Variants in CFDP1 observed in about 807,000 individuals in gnomAD.
The protein encoded by CFDP1 is chromatin remodeling protein CFDP1, also known as heterochromatin-stabilizing protein CFDP1.
Under a neutral mutation model 40.1 loss-of-function variants are expected in CFDP1, and 31 were observed. The observed-to-expected ratio is 0.77, with a 90% CI of 0.58 to 1.04. The LOEUF (loss-of-function observed/expected upper bound fraction) is 1.04, where lower values mean the gene tolerates loss of function less well. Ranked by LOEUF, CFDP1 falls within the 50% of genes least tolerant of loss-of-function variation. The probability of loss-of-function intolerance (pLI) is 0.00; values close to 1 mark genes in which losing one functional copy is unlikely to be tolerated. For synonymous variants in CFDP1, 167 were observed against 120.0 expected (o/e 1.39, Z -2.56); for missense variants, 423 against 343.4 (o/e 1.23, Z -1.83).
intron 4 of CFDP1, 74 bp from the exon 5 acceptor site, chr16:75,395,283 G>C: frequency 1.3e-6 from 2 of 1,495,430 alleles, no homozygotes; most frequent in Non-Finnish European, 9.1e-7. Context: ...AGGGAATAAA[G>C]ACAACTAGAA....
intron 5 of CFDP1, chr16:75,381,365 G>T (rs927282883): frequency 1.3e-5 from 2 of 152,114 alleles, no homozygotes; most frequent in Admixed American, 6.5e-5. Context: ...AAAAGGCAAT[G>T]AGAGTGGAGA....
At chr16:75,318,853 G>A (rs183943543) in intron 5 of CFDP1, among the ~76,000 whole-genome samples, 1 of 152,242 alleles carries the variant, frequency 6.6e-6, no homozygotes, top group East Asian at 1.9e-4. Context: ...TTGAGACTAG[G>A]CTAAAGTTTT....
intron 4 of CFDP1, among the ~76,000 whole-genome samples, chr16:75,403,038 T>C (rs1177546928): frequency 6.6e-6 from 1 of 152,202 alleles, no homozygotes; most frequent in Admixed American, 6.5e-5. Flanking sequence ...TTCTTTGTTT[T>C]GTTTTTTATA....
At position 75,405,450 on chromosome 16, in the gene CFDP1, T is replaced by C. The variant is rs575933205; in HGVS notation, c.530+6375A>G. ...ACACCAGGCTGGATAAACCCATCTA[T>C]ACAAAAAACACAAGAGGCCTGGTGT... On this transcript the variant is annotated intron_variant, in intron 4 of 6. Coordinates refer to ENST00000283882, the MANE Select transcript of CFDP1 (RefSeq NM_006324.3). Among the ~76,000 whole-genome samples, 39 of 151,602 alleles carry C rather than the reference T, an allele frequency of 2.6e-4. 1 individual carries two copies. The highest frequency in any genetic ancestry group is 3.4e-3 in the Middle Eastern group (1 of 290).
intron 5 of CFDP1, among the ~76,000 whole-genome samples, chr16:75,307,409 G>A (rs371795356): frequency 6.6e-6 from 1 of 151,980 alleles, no homozygotes; most frequent in African/African-American, 2.4e-5. Context: ...TAGAGACGGG[G>A]TTTTGCCATG....
At chr16:75,432,949 G>C (rs35787595) in intron 1 of CFDP1, among the ~76,000 whole-genome samples, 78,707 of 152,128 alleles carry the variant, frequency 0.52, 21,392 homozygotes, top group Admixed American at 0.64. Flanking sequence ...AAACCTCCAA[G>C]GCTCGGACTG....
chr16:75,335,845 C>T (rs771459411), intron 5 of CFDP1, among the ~76,000 whole-genome samples: 9 of 152,014 alleles, frequency 5.9e-5, no homozygotes, highest in Non-Finnish European at 8.8e-5. Context: ...TGTGAGCCAC[C>T]GCGCCTGACC....
intron 5 of CFDP1, among the ~76,000 whole-genome samples, chr16:75,359,178 A>G (rs1394677943): frequency 6.6e-6 from 1 of 152,210 alleles, no homozygotes; most frequent in African/African-American, 2.4e-5. Flanking sequence ...TATTAAAGAA[A>G]TTTACAAAAT....
Position 75,349,698 on chromosome 16 carries a change from T to TATACAC in CFDP1, c.651-44517_651-44516insGTGTAT, listed in dbSNP as rs146824267. On this transcript the variant is annotated intron_variant, in intron 5 of 6. Coordinates refer to ENST00000283882, the MANE Select transcript of CFDP1 (RefSeq NM_006324.3). The stretch of plus-strand genomic sequence containing the variant: ...AAAAAAAAAAAAAAAAAAATATATA[T>TATACAC]ACATACATATATACGGTTGATTTTT... Among the ~76,000 whole-genome samples the TATACAC allele has an allele frequency of 5.6e-4, 27 of 47,894 alleles. 3 individuals carry two copies. Among genetic ancestry groups the TATACAC allele is most frequent in the African/African-American group, 2.7e-3 (25 of 9,166 alleles). The allele number at this position is 47,894 out of a possible 152,430, so 31.4% of individuals were successfully genotyped here. A position where few individuals can be genotyped will look rare whatever the true frequency, so the allele number is the denominator to read the frequency against.
intron 4 of CFDP1, 45 bp downstream of exon 4, chr16:75,411,780 C>T (rs755433323): frequency 2.5e-6 from 4 of 1,577,494 alleles, no homozygotes; most frequent in Non-Finnish European, 3.5e-6. Context: ...GAGAGACGCT[C>T]ATTTTTGAAA....
At chr16:75,349,674 A>AT (rs2078595517) in intron 5 of CFDP1, among the ~76,000 whole-genome samples, 4 of 5,894 alleles carry the variant, frequency 6.8e-4, no homozygotes, top group South Asian at 4.0e-3. Flanking sequence ...AAAAAAAAAA[A>AT]AAAAAAAAAA....
intron 5 of CFDP1, among the ~76,000 whole-genome samples, chr16:75,306,852 C>A (rs1442481113): frequency 6.6e-6 from 1 of 151,696 alleles, no homozygotes. Context: ...CAACTCAACC[C>A]CTACAATGTC....
At chr16:75,423,921 G>C (rs1555567710) in intron 1 of CFDP1, among the ~76,000 whole-genome samples, 1 of 152,160 alleles carries the variant, frequency 6.6e-6, no homozygotes, top group Non-Finnish European at 1.5e-5. Flanking sequence ...GGAAACCACA[G>C]ATACAGAAGG....
chr16:75,376,570 C>T (rs901672751), intron 5 of CFDP1, among the ~76,000 whole-genome samples: 22 of 152,088 alleles, frequency 1.4e-4, no homozygotes, highest in Non-Finnish European at 2.6e-4. Context: ...CAGTAGTTGC[C>T]TGGGGCAAAG....
intron 5 of CFDP1, among the ~76,000 whole-genome samples, chr16:75,332,719 A>C (rs2078454963): frequency 6.6e-6 from 1 of 150,650 alleles, no homozygotes; most frequent in African/African-American, 2.4e-5. Context: ...AGTCAGTTCT[A>C]TATATATTTA....
chr16:75,380,467 A>C (rs2078843457), intron 5 of CFDP1, among the ~76,000 whole-genome samples: 1 of 152,102 alleles, frequency 6.6e-6, no homozygotes, highest in Admixed American at 6.6e-5. Context: ...CGTGATAATA[A>C]AAATGGTCTT....
chr16:75,315,508 C>A (rs1200808840), intron 5 of CFDP1, among the ~76,000 whole-genome samples: 1 of 151,942 alleles, frequency 6.6e-6, no homozygotes, highest in Non-Finnish European at 1.5e-5. Flanking sequence ...GGGTTATGTA[C>A]AAGAATTCCA....
At chr16:75,404,295 GCACGATCT>G (rs766368468) in intron 4 of CFDP1, among the ~76,000 whole-genome samples, 162 of 148,918 alleles carry the variant, frequency 1.1e-3, no homozygotes, top group Non-Finnish European at 2.0e-3. Flanking sequence ...GAGTGCAGTG[GCACGATCT>G]CGGCTCACTG....
chr16:75,361,316 A>G (rs914152778), intron 5 of CFDP1, among the ~76,000 whole-genome samples: 26 of 152,172 alleles, frequency 1.7e-4, no homozygotes, highest in African/African-American at 4.3e-4. Flanking sequence ...CAGGCAAGTC[A>G]GATATTGTTT....
Sources: gnomAD v4.1 joint callset for allele counts (sites outside exome capture counted in the v4.1 genomes callset) on GRCh38, gnomAD v4.1.1 for gene constraint, MANE v1.5 for transcripts, NCBI Gene and HGNC (gene_info 2026-07-23, HGNC 2026-07-21) for gene names.